ERF: variants seen among roughly 807,000 people sequenced by gnomAD.
ERF encodes ETS domain-containing transcription factor ERF.
ERF carries 10 observed loss-of-function variants against 41.6 expected under a neutral mutation model. The ratio of observed to expected loss-of-function variants is 0.24; its 90% CI spans 0.15 to 0.41. The LOEUF (loss-of-function observed/expected upper bound fraction) is 0.41. ERF is among the 10% of genes least tolerant of loss of function. ERF has a pLI of 1.00. For missense variants in ERF, 621 were observed against 763.2 expected (o/e 0.81, Z 2.19); for synonymous variants, 395 against 342.4 (o/e 1.15, Z -1.70).
chr19:42,248,188 G>C lies in ERF; in HGVS notation c.*277C>G, dbSNP rs1022024112. ...CAAATATAAATTCCCCAGAATGGAG[G>C]TGACCCCCTTAACTTCCCCCTCCCT... On this transcript the variant is annotated 3_prime_UTR_variant, in exon 4 of 4. Coordinates refer to ENST00000222329, the MANE Select transcript of ERF (RefSeq NM_006494.4). This position sits in a 1 kb window ranked among gnomAD's most constrained non-coding sequence, Gnocchi z 4.2. The C allele has an allele frequency of 2.7e-6, 1 of 372,370 alleles. No homozygotes were observed. The highest frequency in any genetic ancestry group is 4.8e-6 in the Non-Finnish European group (1 of 210,050). 23.1% of individuals were successfully genotyped at this position (372,370 alleles called of 1,614,324 possible). A position where few individuals can be genotyped will look rare whatever the true frequency, so the allele number is the denominator to read the frequency against.
rs2036418005 is a variant in ERF, at chr19:42,250,024, G to A, written c.258-82C>T. On this transcript the variant is annotated intron_variant, in intron 2 of 3. Coordinates refer to ENST00000222329, the MANE Select transcript of ERF (RefSeq NM_006494.4). The surrounding 1 kb of genome is among the most constrained non-coding windows in gnomAD (Gnocchi z 5.1). ...TCCACACCTTAACACGCACTTAGGT[G>A]TGGTTCCCAAAGGCCAACTGAGGAA... 7.3e-7 allele frequency: 1 copy of A among 1,367,268 alleles called. No homozygotes were observed. Among genetic ancestry groups the A allele is most frequent in the African/African-American group, 1.4e-5 (1 of 69,982 alleles). The allele number at this position is 1,367,268 out of a possible 1,614,324, so 84.7% of individuals were successfully genotyped here. A position where few individuals can be genotyped will look rare whatever the true frequency, so the allele number is the denominator to read the frequency against.
At chr19:42,254,043 G>C (rs370084630) in intron 1 of ERF, 11 of 545,812 alleles carry the variant, frequency 2.0e-5, no homozygotes, top group Non-Finnish European at 2.3e-5. Context: ...GCGAGCCCGG[G>C]GGCGGCGGGG....
chr19:42,249,280 T>C lies in ERF; in HGVS notation c.832A>G (p.Thr278Ala). ...LPMTPTHLAYTPSPTLSPMYP... is the reference protein window; with the variant it reads ...LPMTPTHLAYAPSPTLSPMYP... ...ATCGGGCTCAGCGTGGGCGAGGGAGTGTAGGCCAGGTGGGTGGGCGTCATG... is the reference window on the plus strand; with the variant it reads ...ATCGGGCTCAGCGTGGGCGAGGGAGCGTAGGCCAGGTGGGTGGGCGTCATG... The change falls in exon 4 of 4, where the codon ACT (threonine) becomes GCT (alanine). Residue 278 changes from threonine (T) to alanine (A), a missense_variant. This residue lies in a region of ERF where 569 missense variants were observed against 625.5 expected (regional missense o/e 0.91). Coordinates refer to ENST00000222329, the MANE Select transcript of ERF (RefSeq NM_006494.4). This position sits in a 1 kb window ranked among gnomAD's most constrained non-coding sequence, Gnocchi z 8.6. 1 of 1,605,508 alleles carries C rather than the reference T, an allele frequency of 6.2e-7. No individual in the cohort carries two copies. The highest frequency in any genetic ancestry group is 8.5e-7 in the Non-Finnish European group (1 of 1,176,386).
At position 42,254,855 on chromosome 19, in the gene ERF, G is replaced by C. The variant is rs2036507315; in HGVS notation, c.22+123C>G. 3 of 1,166,508 alleles carry C rather than the reference G, an allele frequency of 2.6e-6. No individual in the cohort carries two copies. The African/African-American group carries it at 5.0e-5, about 19-fold the overall frequency. The allele number at this position is 1,166,508 out of a possible 1,614,324, so 72.3% of individuals were successfully genotyped here. ...GAGAAGCAACAGGTCTCCAGTGCTT[G>C]AGGGGTCCCCCAGAACTGGGGATCA... On this transcript the variant is annotated intron_variant, in intron 1 of 3. Coordinates refer to ENST00000222329, the MANE Select transcript of ERF (RefSeq NM_006494.4).
At position 42,255,033 on chromosome 19, in the gene ERF, G is replaced by A. The variant is rs2036510356; in HGVS notation, c.-34C>T. Reference sequence around the variant, plus strand: ...GCCCGGGGCGAAGCGCCCCGATTCCGGGCCGCGGCTCCCGGCGCCCTCGCT... The same window carrying A: ...GCCCGGGGCGAAGCGCCCCGATTCCAGGCCGCGGCTCCCGGCGCCCTCGCT... On this transcript the variant is annotated 5_prime_UTR_variant, in exon 1 of 4. Transcript: ENST00000222329. 9 of 1,384,938 alleles carry A rather than the reference G, an allele frequency of 6.5e-6. No individual in the cohort carries two copies. Among genetic ancestry groups the A allele is most frequent in the East Asian group, 2.8e-5 (1 of 35,260 alleles). The allele number at this position is 1,384,938 out of a possible 1,614,324, so 85.8% of individuals were successfully genotyped here.
intron 1 of ERF, chr19:42,254,666 AG>A: frequency 3.8e-6 from 1 of 265,360 alleles, no homozygotes; most frequent in Non-Finnish European, 7.2e-6. Flanking sequence ...CAACGTGACA[AG>A]AGCGGAGGGG....
Position 42,248,355 on chromosome 19 carries a change from G to A in ERF, c.*110C>T. 1 of 965,252 alleles carries A rather than the reference G, an allele frequency of 1.0e-6. No homozygotes were observed. The highest frequency in any genetic ancestry group is 1.4e-6 in the Non-Finnish European group (1 of 717,324). 59.8% of individuals were successfully genotyped at this position (965,252 alleles called of 1,614,324 possible). A position where few individuals can be genotyped will look rare whatever the true frequency, so the allele number is the denominator to read the frequency against. ...CAAAATGTGGGGAGGGAAAAGGGAGGAGGCAGGGAAGAGACAAGAGAGCTG... is the reference window on the plus strand; with the variant it reads ...CAAAATGTGGGGAGGGAAAAGGGAGAAGGCAGGGAAGAGACAAGAGAGCTG... On this transcript the variant is annotated 3_prime_UTR_variant, in exon 4 of 4. Coordinates refer to ENST00000222329, the MANE Select transcript of ERF (RefSeq NM_006494.4). This position sits in a 1 kb window ranked among gnomAD's most constrained non-coding sequence, Gnocchi z 4.2.
Position 42,248,527 on chromosome 19 carries a change from G to A in ERF, c.1585C>T (p.Arg529Trp), listed in dbSNP as rs200428259. 24 of 1,539,762 alleles carry A rather than the reference G, an allele frequency of 1.6e-5. No individual in the cohort carries two copies. The highest frequency in any genetic ancestry group is 2.3e-5 in the East Asian group (1 of 44,244). Residue 529 changes from arginine (R) to tryptophan (W), a missense_variant, in exon 4 of 4, where the codon CGG becomes TGG. By Grantham distance (101) the Arg-to-Trp change is moderately radical. Around this residue, in one of 3 missense-constraint regions of ERF, gnomAD observed 569 missense variants for 625.5 expected, o/e 0.91. Coordinates refer to ENST00000222329, the MANE Select transcript of ERF (RefSeq NM_006494.4). The surrounding 1 kb of genome is among the most constrained non-coding windows in gnomAD (Gnocchi z 4.2). ...GCATGCTGGAGGTCAGAGCTCACCC[G>A]CCTTGGGGTGAGGGGCCCCCCAGCC... ...GEAGGPLTPR[R>W]VSSDLQHATA... is the part of the protein sequence containing the mutation.
rs771368216 is a variant in ERF, at chr19:42,248,816, T to C, written c.1296A>G (p.Glu432=). 1.2e-6 allele frequency: 2 copies of C among 1,613,214 alleles called. No individual in the cohort carries two copies. Among genetic ancestry groups the C allele is most frequent in the South Asian group, 2.2e-5 (2 of 91,062 alleles). The change falls in exon 4 of 4, where the codon GAA becomes GAG. Residue 432 remains glutamate (E), a synonymous_variant. Transcript: ENST00000222329. This position sits in a 1 kb window ranked among gnomAD's most constrained non-coding sequence, Gnocchi z 4.2. ...PPQIKVEPIS[E]GESEEVEVTD... The stretch of plus-strand genomic sequence containing the variant: ...TCACCTCTACCTCCTCCGACTCGCC[T>C]TCCGAGATGGGCTCCACCTTGATCT...
In ERF at chr19:42,254,985, C is replaced by T. The variant is rs2036509496; in HGVS notation, c.15G>A (p.Ala5=). MKTP[A]DTGFAFPDWA... ...TGCTGCCCCCGCCCCCACCTGTGTC[C>T]GCCGGGGTCTTCATGCTGGGGGGCC... Residue 5 remains alanine, a synonymous_variant, in exon 1 of 4, where the codon GCG becomes GCA. Coordinates refer to ENST00000222329, the MANE Select transcript of ERF (RefSeq NM_006494.4). 1 of 1,474,676 alleles carries T rather than the reference C, an allele frequency of 6.8e-7. No homozygotes were observed. The highest frequency in any genetic ancestry group is 8.9e-7 in the Non-Finnish European group (1 of 1,120,032). 91.3% of individuals were successfully genotyped at this position (1,474,676 alleles called of 1,614,324 possible). A position where few individuals can be genotyped will look rare whatever the true frequency, so the allele number is the denominator to read the frequency against.
chr19:42,254,021 A>G, intron 1 of ERF: 1 of 848,094 alleles, frequency 1.2e-6, no homozygotes, highest in Non-Finnish European at 1.4e-6. Flanking sequence ...TCGGGCGCAA[A>G]GTCCAGCCCG....
At chr19:42,254,306 G>C (rs546698084) in intron 1 of ERF, among the ~76,000 whole-genome samples, 1 of 152,156 alleles carries the variant, frequency 6.6e-6, no homozygotes, top group Admixed American at 6.5e-5. Flanking sequence ...CGGGAGGAGG[G>C]TACCCAGGTC....
At position 42,255,013 on chromosome 19, in the gene ERF, G is replaced by A; in HGVS notation, c.-14C>T. 7.0e-7 allele frequency: 1 copy of A among 1,425,934 alleles called. No homozygotes were observed. The highest frequency in any genetic ancestry group is 9.2e-7 in the Non-Finnish European group (1 of 1,091,210). 88.3% of individuals were successfully genotyped at this position (1,425,934 alleles called of 1,614,324 possible). Reference sequence around the variant, plus strand: ...CGGGGTCTTCATGCTGGGGGGCCCGGGGCGAAGCGCCCCGATTCCGGGCCG... The same window carrying A: ...CGGGGTCTTCATGCTGGGGGGCCCGAGGCGAAGCGCCCCGATTCCGGGCCG... On this transcript the variant is annotated 5_prime_UTR_variant, in exon 1 of 4. Transcript: ENST00000222329.
Position 42,249,584 on chromosome 19 carries a change from C to A in ERF, c.528G>T (p.Val176=). The change falls in exon 4 of 4, where the codon GTG becomes GTT. Residue 176 remains valine, a synonymous_variant. Coordinates refer to ENST00000222329, the MANE Select transcript of ERF (RefSeq NM_006494.4). This position sits in a 1 kb window ranked among gnomAD's most constrained non-coding sequence, Gnocchi z 8.6. ...AGCCTCGGCCCAGGCGGCGGGCCAC[C>A]ACAGCCGAGAAGAGGGAAGATGAAG... ...SSSSSSLFSA[V]VARRLGRGSV... is the part of the protein sequence containing the mutation. 1 of 1,613,610 alleles carries A rather than the reference C, an allele frequency of 6.2e-7. No homozygotes were observed. Among genetic ancestry groups the A allele is most frequent in the Non-Finnish European group, 8.5e-7 (1 of 1,179,966 alleles).
At chr19:42,251,664 G>A (rs2036448195) in intron 1 of ERF, among the ~76,000 whole-genome samples, 3 of 152,122 alleles carry the variant, frequency 2.0e-5, no homozygotes, top group Admixed American at 2.0e-4. Context: ...CAGTCAGGCT[G>A]CAGGGGTCAA....
intron 1 of ERF, among the ~76,000 whole-genome samples, chr19:42,254,165 G>A (rs575049221): frequency 1.3e-5 from 2 of 151,536 alleles, no homozygotes. Flanking sequence ...AGTTGGCGGG[G>A]AAGAGAGGGG....
In ERF at chr19:42,248,415, CA is replaced by C. The variant is rs1257732309; in HGVS notation, c.*49del. 1 of 1,415,056 alleles carries C rather than the reference CA, an allele frequency of 7.1e-7. No homozygotes were observed. Among genetic ancestry groups the C allele is most frequent in the Admixed American group, 2.6e-5 (1 of 38,412 alleles). The allele number at this position is 1,415,056 out of a possible 1,614,324, so 87.7% of individuals were successfully genotyped here. A position where few individuals can be genotyped will look rare whatever the true frequency, so the allele number is the denominator to read the frequency against. ...CCAGGGCATAGGGGGCTTAAGGCAG[CA>C]AAAGAAGCATGGGGGGTGCGGGGCA... is the stretch of plus-strand genomic sequence containing the variant. On this transcript the variant is annotated 3_prime_UTR_variant, in exon 4 of 4. Transcript: ENST00000222329. This position sits in a 1 kb window ranked among gnomAD's most constrained non-coding sequence, Gnocchi z 4.2.
At chr19:42,254,861 T>C in intron 1 of ERF, 117 bp downstream of exon 1, 1 of 1,191,640 alleles carries the variant, frequency 8.4e-7, no homozygotes, top group South Asian at 1.7e-5. Context: ...GCTTGAGGGG[T>C]CCCCCAGAAC....
chr19:42,253,737 T>G, intron 1 of ERF: 1 of 456,900 alleles, frequency 2.2e-6, no homozygotes, highest in South Asian at 7.9e-5. Flanking sequence ...CGGAGCCCTT[T>G]AAGATTAAGC....
Sources: allele counts gnomAD v4.1 joint callset (sites outside exome capture counted in the v4.1 genomes callset), GRCh38; gene constraint gnomAD v4.1.1; regional missense constraint gnomAD v4.1.1; non-coding constraint Gnocchi (gnomAD v3.1); transcripts MANE v1.5; gene names NCBI Gene and HGNC (gene_info 2026-07-23, HGNC 2026-07-21).